MGLL: variants seen among roughly 807,000 people sequenced by gnomAD.
The protein encoded by MGLL is lysophospholipase homolog.
A neutral mutation model predicts 29.1 loss-of-function variants in MGLL; 7 were observed. The observed-to-expected ratio is 0.24, with a 90% CI of 0.14 to 0.45. The LOEUF is 0.45. Ranked by LOEUF, MGLL falls within the 20% of genes least tolerant of loss-of-function variation. The pLI, the probability that MGLL is intolerant of heterozygous loss-of-function variation, is 0.99. For missense variants in MGLL, 356 were observed against 413.6 expected (o/e 0.86, Z 1.21); for synonymous variants, 148 against 168.3 (o/e 0.88, Z 0.93).
Position 127,691,985 on chromosome 3 carries a change from GCAT to G in MGLL, c.*210_*212del. The G allele has an allele frequency of 6.4e-6, 4 of 626,224 alleles. No homozygotes were observed. The highest frequency in any genetic ancestry group is 1.1e-5 in the Non-Finnish European group (4 of 371,750). 38.8% of individuals were successfully genotyped at this position (626,224 alleles called of 1,614,324 possible). On this transcript the variant is annotated 3_prime_UTR_variant, in exon 8 of 8. Transcript: ENST00000265052. ...TCACCTGGGACCTTTCTCTTTTTTT[GCAT>G]AAAGTGTCTAACCATTAAGGTAGGT...
intron 7 of MGLL, among the ~76,000 whole-genome samples, chr3:127,694,492 T>G (rs900225637): frequency 2.6e-5 from 4 of 151,962 alleles, no homozygotes; most frequent in Non-Finnish European, 5.9e-5. Flanking sequence ...TCAGGGCCCC[T>G]GTCTGCAGAG....
chr3:127,758,290 T>C (rs924985564), intron 3 of MGLL, among the ~76,000 whole-genome samples: 1 of 152,226 alleles, frequency 6.6e-6, no homozygotes, highest in African/African-American at 2.4e-5. Context: ...TTGTGGCACT[T>C]ATCTCCAATG....
intron 3 of MGLL, among the ~76,000 whole-genome samples, chr3:127,758,820 A>G (rs2076709305): frequency 6.6e-6 from 1 of 152,204 alleles, no homozygotes; most frequent in African/African-American, 2.4e-5. Flanking sequence ...AAAATGTGCA[A>G]AAGTGCACTG....
chr3:127,718,766 G>T (rs1477268079), intron 5 of MGLL, among the ~76,000 whole-genome samples: 1 of 152,188 alleles, frequency 6.6e-6, no homozygotes, highest in Admixed American at 6.5e-5. Context: ...CCAACCGGGA[G>T]AGAGACTCTC....
chr3:127,694,545 C>T (rs2075319492), intron 7 of MGLL, among the ~76,000 whole-genome samples: 2 of 152,074 alleles, frequency 1.3e-5, no homozygotes, highest in South Asian at 4.1e-4. Context: ...TCTGCCAAGT[C>T]CTGCCAGCAC....
At chr3:127,795,808 A>C (rs956350708) in intron 2 of MGLL, among the ~76,000 whole-genome samples, 1 of 152,256 alleles carries the variant, frequency 6.6e-6, no homozygotes, top group Non-Finnish European at 1.5e-5. Flanking sequence ...AATATGGGTC[A>C]TTGCACAAAA....
At chr3:127,694,257 G>T (rs1290671653) in intron 7 of MGLL, among the ~76,000 whole-genome samples, 1 of 123,406 alleles carries the variant, frequency 8.1e-6, no homozygotes, top group Admixed American at 9.2e-5. Context: ...GTGACAGAGG[G>T]ATACTCTGTC....
At chr3:127,739,102 A>G (rs1342170153) in intron 3 of MGLL, among the ~76,000 whole-genome samples, 3 of 152,246 alleles carry the variant, frequency 2.0e-5, no homozygotes, top group Non-Finnish European at 2.9e-5. Context: ...CTCTGATTGC[A>G]AAAGTAAAAC....
rs1215812236 is a variant in MGLL at position 127,761,298 on chromosome 3, AAACTGGCTTCT to A, written c.262+20480_262+20490del. Among the ~76,000 whole-genome samples the A allele has an allele frequency of 3.0e-4, 45 of 152,226 alleles. No individual in the cohort carries two copies. The highest frequency in any genetic ancestry group is 6.0e-4 in the Non-Finnish European group (41 of 68,042). On this transcript the variant is annotated intron_variant, in intron 3 of 7. Coordinates refer to ENST00000265052, the MANE Select transcript of MGLL (RefSeq NM_007283.7). The surrounding 1 kb of genome is among the most constrained non-coding windows in gnomAD (Gnocchi z 4.6). ...CGTCACTTTCCAGGGCCCACTGGGC[AAACTGGCTTCT>A]CCCCTGCTGCTGTGTCTTGTTAGAG... is the stretch of plus-strand genomic sequence containing the variant.
At chr3:127,795,119 C>A (rs2077363455) in intron 2 of MGLL, among the ~76,000 whole-genome samples, 1 of 152,226 alleles carries the variant, frequency 6.6e-6, no homozygotes, top group African/African-American at 2.4e-5. Context: ...GACATGGAAT[C>A]AACCTAGGTG....
chr3:127,754,576 GGA>G (rs2076623938), intron 3 of MGLL, among the ~76,000 whole-genome samples: 1 of 152,230 alleles, frequency 6.6e-6, no homozygotes, highest in Non-Finnish European at 1.5e-5. Context: ...GGCACAGAGA[GGA>G]GAGAGGGCTG....
intron 3 of MGLL, among the ~76,000 whole-genome samples, chr3:127,748,585 A>G (rs910146564): frequency 3.3e-5 from 5 of 151,932 alleles, no homozygotes; most frequent in Admixed American, 6.6e-5. Flanking sequence ...CTAATCCACT[A>G]TAACCCAAAT....
intron 5 of MGLL, among the ~76,000 whole-genome samples, chr3:127,718,028 C>T (rs984219453): frequency 6.6e-6 from 1 of 152,196 alleles, no homozygotes; most frequent in Admixed American, 6.5e-5. Context: ...TGGGGCCCCC[C>T]CATCCATCCT....
At chr3:127,811,908 C>T (rs1195321771) in intron 2 of MGLL, among the ~76,000 whole-genome samples, 1 of 152,252 alleles carries the variant, frequency 6.6e-6, no homozygotes, top group Non-Finnish European at 1.5e-5. Context: ...CTGGGAGCAA[C>T]AGAAGACCCA....
intron 3 of MGLL, chr3:127,735,851 G>A: frequency 6.3e-7 from 1 of 1,596,070 alleles, no homozygotes; most frequent in Non-Finnish European, 8.5e-7. Context: ...TCTGAATCTA[G>A]TCTGCATCTC....
At position 127,761,822 on chromosome 3, in the gene MGLL, C is replaced by A. The variant is rs2076770321; in HGVS notation, c.262+19967G>T. 1.3e-5 allele frequency among the ~76,000 whole-genome samples: 2 copies of A among 152,172 alleles called. No homozygotes were observed. The highest frequency in any genetic ancestry group is 1.9e-4 in the East Asian group (1 of 5,196). On this transcript the variant is annotated intron_variant, in intron 3 of 7. Coordinates refer to ENST00000265052, the MANE Select transcript of MGLL (RefSeq NM_007283.7). This position sits in a 1 kb window ranked among gnomAD's most constrained non-coding sequence, Gnocchi z 4.6. The stretch of plus-strand genomic sequence containing the variant: ...CAGGCAGAGCTTCATTCTCAAATGC[C>A]CAGACAAGCACTAAATATGCGTAGT...
At chr3:127,712,821 G>C (rs937636847) in intron 5 of MGLL, 1 of 152,292 alleles carries the variant, frequency 6.6e-6, no homozygotes, top group Non-Finnish European at 1.5e-5. Flanking sequence ...CCTGGGAAAG[G>C]AAAACTTGGA....
At chr3:127,726,988 T>C (rs2107634053) in intron 3 of MGLL, among the ~76,000 whole-genome samples, 1 of 152,342 alleles carries the variant, frequency 6.6e-6, no homozygotes, top group East Asian at 1.9e-4. Flanking sequence ...AGCTGGTGTT[T>C]TAGAACCAGG....
chr3:127,780,420 A>C (rs575713229), intron 3 of MGLL, among the ~76,000 whole-genome samples: 1 of 152,254 alleles, frequency 6.6e-6, no homozygotes, highest in African/African-American at 2.4e-5. Flanking sequence ...AGGCTTTTAC[A>C]TGTAAGAAGT....
Sources: allele counts gnomAD v4.1 joint callset (sites outside exome capture counted in the v4.1 genomes callset), GRCh38; gene constraint gnomAD v4.1.1; non-coding constraint Gnocchi (gnomAD v3.1); transcripts MANE v1.5; gene names NCBI Gene and HGNC (gene_info 2026-07-23, HGNC 2026-07-21).